PPP6R2: variants seen among roughly 807,000 people sequenced by gnomAD.
PPP6R2 encodes protein phosphatase 6 regulatory subunit 2.
Under a neutral mutation model 100.2 loss-of-function variants are expected in PPP6R2, and 62 were observed. That is an observed-to-expected ratio of 0.62 (90% confidence interval 0.50 to 0.76). The LOEUF (loss-of-function observed/expected upper bound fraction) is 0.76, where lower values mean the gene tolerates loss of function less well. Ranked by LOEUF, PPP6R2 falls within the 30% of genes least tolerant of loss-of-function variation. The pLI, the probability that PPP6R2 is intolerant of heterozygous loss-of-function variation, is 0.00. For synonymous variants in PPP6R2, 525 were observed against 514.7 expected (o/e 1.02, Z -0.27); for missense variants, 1,142 against 1,276.3 (o/e 0.89, Z 1.60).
At chr22:50,393,868 G>T in intron 2 of PPP6R2, 25 bp from the exon 3 acceptor site, 1 of 1,612,976 alleles carries the variant, frequency 6.2e-7, no homozygotes, top group Admixed American at 1.7e-5. Context: ...GGTGAGAGAC[G>T]TGACCCCTTT....
chr22:50,438,314 A>C lies in PPP6R2; in HGVS notation c.1964+16A>C. 1 of 1,606,366 alleles carries C rather than the reference A, an allele frequency of 6.2e-7. No individual in the cohort carries two copies. The highest frequency in any genetic ancestry group is 8.5e-7 in the Non-Finnish European group (1 of 1,176,694). On this transcript the variant is annotated intron_variant, in intron 18 of 23. Coordinates refer to ENST00000612753, the MANE Select transcript of PPP6R2 (RefSeq NM_001242898.2). ...CCAGACCCAGGTGCGGGGCCTGCCC[A>C]TCCCCACAAAGCCTCTGCCGAGGAG...
the PPP6R2 span, among the ~76,000 whole-genome samples, chr22:50,337,458 G>C: frequency 1.5e-5 from 2 of 131,930 alleles, no homozygotes; most frequent in Non-Finnish European, 3.2e-5. Flanking sequence ...GGTGTGTGTG[G>C]TATGTAGTGT....
At position 50,424,300 on chromosome 22, in the gene PPP6R2, G is replaced by A. The variant is rs139010386; in HGVS notation, c.1125+686G>A. Reference sequence around the variant, plus strand: ...CAATCTTAGTCCCAGAACTGGGCTCGAAGTGCTGTCTGGCTCAGTTCTGTC... The same window carrying A: ...CAATCTTAGTCCCAGAACTGGGCTCAAAGTGCTGTCTGGCTCAGTTCTGTC... On this transcript the variant is annotated intron_variant, in intron 10 of 23. Coordinates refer to ENST00000612753, the MANE Select transcript of PPP6R2 (RefSeq NM_001242898.2). 2.6e-4 allele frequency among the ~76,000 whole-genome samples: 39 copies of A among 150,322 alleles called. No homozygotes were observed. The East Asian group carries it at 6.4e-3, about 25-fold the overall frequency.
intron 2 of PPP6R2, among the ~76,000 whole-genome samples, chr22:50,379,159 C>T (rs565974986): frequency 6.6e-6 from 1 of 152,208 alleles, no homozygotes; most frequent in South Asian, 2.1e-4. Flanking sequence ...TTTGTTATAG[C>T]AGCAGAAACA....
chr22:50,395,832 G>C (rs62241887), intron 3 of PPP6R2, among the ~76,000 whole-genome samples: 24,218 of 150,934 alleles, frequency 0.16, 2,493 homozygotes, highest in Non-Finnish European at 0.23. Context: ...CTCCCAAAGT[G>C]CTGGGATTAT....
chr22:50,420,676 G>A (rs1279288143), intron 8 of PPP6R2, among the ~76,000 whole-genome samples: 4 of 152,172 alleles, frequency 2.6e-5, no homozygotes, highest in East Asian at 1.9e-4. Flanking sequence ...AAAGACAGCC[G>A]AGTGGAGTCT....
At chr22:50,337,908 TGTA>T in the PPP6R2 span, among the ~76,000 whole-genome samples, 9 of 134,596 alleles carry the variant, frequency 6.7e-5, no homozygotes, top group South Asian at 2.5e-4. Context: ...GTCTGTGTGG[TGTA>T]GTGTGTGTGG....
At chr22:50,369,799 C>T (rs2049616863) in intron 1 of PPP6R2, among the ~76,000 whole-genome samples, 1 of 151,466 alleles carries the variant, frequency 6.6e-6, no homozygotes, top group South Asian at 2.1e-4. Context: ...AGCCACCGCG[C>T]CTGACCTTTC....
the PPP6R2 span, among the ~76,000 whole-genome samples, chr22:50,338,300 T>G: frequency 6.8e-6 from 1 of 147,218 alleles, no homozygotes; most frequent in South Asian, 2.2e-4. Context: ...GTGTGTAGTG[T>G]GTGGTGTGTG....
At chr22:50,361,130 G>A (rs2047708220) in intron 1 of PPP6R2, among the ~76,000 whole-genome samples, 1 of 152,136 alleles carries the variant, frequency 6.6e-6, no homozygotes, top group Admixed American at 6.5e-5. Flanking sequence ...TTGCTGTGAT[G>A]CCCTTCCTGG....
intron 10 of PPP6R2, among the ~76,000 whole-genome samples, chr22:50,427,869 T>C (rs2062448139): frequency 6.6e-6 from 1 of 152,226 alleles, no homozygotes; most frequent in Admixed American, 6.5e-5. Flanking sequence ...TACAGGTGCC[T>C]GCTACCTCGC....
chr22:50,424,630 CTTCTTTTTT>C (rs1569473010), intron 10 of PPP6R2, among the ~76,000 whole-genome samples: 1 of 101,302 alleles, frequency 9.9e-6, no homozygotes, highest in Non-Finnish European at 1.9e-5. Flanking sequence ...TTTCCCTCTT[CTTCTTTTTT>C]TTTTTTTTTT....
At chr22:50,414,476 A>G in intron 4 of PPP6R2, 76 bp from the exon 5 acceptor site, 4 of 1,522,374 alleles carry the variant, frequency 2.6e-6, no homozygotes, top group East Asian at 2.3e-5. Context: ...CAACTTTCCC[A>G]TGAGAGTTTT....
chr22:50,371,089 G>A (rs2050105661), intron 1 of PPP6R2, among the ~76,000 whole-genome samples: 1 of 152,106 alleles, frequency 6.6e-6, no homozygotes, highest in African/African-American at 2.4e-5. Flanking sequence ...ATTTTCTGAA[G>A]GACTTCATAC....
chr22:50,353,621 G>A (rs1422026584), intron 1 of PPP6R2, among the ~76,000 whole-genome samples: 3 of 152,186 alleles, frequency 2.0e-5, no homozygotes, highest in Non-Finnish European at 2.9e-5. Flanking sequence ...ACCCCTCGAC[G>A]TGCTTGACGC....
intron 10 of PPP6R2, among the ~76,000 whole-genome samples, chr22:50,424,442 C>T (rs1451172099): frequency 3.1e-5 from 3 of 95,854 alleles, no homozygotes; most frequent in South Asian, 3.5e-4. Context: ...GGTCCGTCCG[C>T]GTGTGGAACG....
upstream of PPP6R2, among the ~76,000 whole-genome samples, chr22:50,342,809 G>A (rs1472801365): frequency 2.6e-5 from 4 of 152,138 alleles, no homozygotes; most frequent in Non-Finnish European, 4.4e-5. Flanking sequence ...GTCTGGAGGC[G>A]GCTCAGGCAC....
Position 50,443,990 on chromosome 22 carries a change from G to A in PPP6R2, c.2704G>A (p.Ala902Thr), listed in dbSNP as rs777616944. The change falls in exon 23 of 24, where the codon GCT (alanine) becomes ACT (threonine). Residue 902 changes from alanine (A) to threonine (T), a missense_variant. Around this residue, in one of 2 missense-constraint regions of PPP6R2, gnomAD observed 550 missense variants for 517.4 expected, o/e 1.06. Coordinates refer to ENST00000612753, the MANE Select transcript of PPP6R2 (RefSeq NM_001242898.2). ...GGCCATCACCACAGCACTGAGCAAG[G>A]CTGGCCCCGCCATACCCACCCCAGC... ...TVAITTALSK[A>T]GPAIPTPAVS... 1.9e-6 allele frequency: 3 copies of A among 1,612,722 alleles called. No individual in the cohort carries two copies. The highest frequency in any genetic ancestry group is 1.7e-5 in the Admixed American group (1 of 59,962).
At chr22:50,347,408 G>A (rs186297457) in intron 1 of PPP6R2, among the ~76,000 whole-genome samples, 13 of 151,664 alleles carry the variant, frequency 8.6e-5, no homozygotes, top group Admixed American at 7.9e-4. Context: ...TTCCTGTCGC[G>A]CTCCCCATCA....
Sources: gnomAD v4.1 joint callset for allele counts (sites outside exome capture counted in the v4.1 genomes callset) on GRCh38, gnomAD v4.1.1 for gene constraint, gnomAD v4.1.1 regional missense constraint, MANE v1.5 for transcripts, NCBI Gene and HGNC (gene_info 2026-07-23, HGNC 2026-07-21) for gene names.